KIF26B: variants seen among roughly 807,000 people sequenced by gnomAD.
The protein encoded by KIF26B is kinesin-like protein KIF26B.
In KIF26B, 63 loss-of-function variants were observed where a neutral mutation model predicts 151.2. That is an observed-to-expected ratio of 0.42 (90% CI 0.34 to 0.51). KIF26B has a LOEUF of 0.51. Among genes scored for constraint, KIF26B ranks in the 20% least tolerant of loss-of-function variants. The pLI is 0.07. For synonymous variants in KIF26B, 1,357 were observed against 1,262.1 expected (o/e 1.08, Z -1.59); for missense variants, 2,813 against 2,913.6 (o/e 0.97, Z 0.79).
intron 4 of KIF26B, among the ~76,000 whole-genome samples, chr1:245,434,666 A>G (rs1454366617): frequency 1.3e-5 from 2 of 152,272 alleles, no homozygotes; most frequent in African/African-American, 4.8e-5. Context: ...GAGCAGGCCC[A>G]GGTAAGACTG....
chr1:245,448,306 C>T (rs1038146179), intron 4 of KIF26B, among the ~76,000 whole-genome samples: 11 of 152,326 alleles, frequency 7.2e-5, no homozygotes, highest in Admixed American at 7.2e-4. Flanking sequence ...CACTCAGGTG[C>T]AAGCGATTCT....
chr1:245,698,983 C>G lies in KIF26B; in HGVS notation c.6124C>G (p.Leu2042Val). The G allele has an allele frequency of 6.2e-7, 1 of 1,614,028 alleles. No individual in the cohort carries two copies. Among genetic ancestry groups the G allele is most frequent in the African/African-American group, 1.3e-5 (1 of 75,064 alleles). Reference sequence around the variant, plus strand: ...GAAGTACGAGTGGCTGATGAAGGAGCTGGAGGCGACCAAACAGTATCTGAT... The same window carrying G: ...GAAGTACGAGTGGCTGATGAAGGAGGTGGAGGCGACCAAACAGTATCTGAT... ...RAKYEWLMKE[L>V]EATKQYLMLD... is the part of the protein sequence containing the mutation. Residue 2042 changes from leucine to valine, a missense_variant, in exon 14 of 15, where the codon CTG (leucine) becomes GTG (valine). This residue lies in a region of KIF26B where 2,060 missense variants were observed against 2,088.6 expected (regional missense o/e 0.99). Transcript: ENST00000407071. This position sits in a 1 kb window ranked among gnomAD's most constrained non-coding sequence, Gnocchi z 4.0.
chr1:245,528,814 C>T (rs1661298802), intron 4 of KIF26B, among the ~76,000 whole-genome samples: 1 of 152,158 alleles, frequency 6.6e-6, no homozygotes, highest in Non-Finnish European at 1.5e-5. Context: ...TTCCCGAGGT[C>T]ATCCAACTCT....
In KIF26B at chr1:245,705,357, A is replaced by G. The variant is rs993671473; in HGVS notation, c.*2751A>G. On this transcript the variant is annotated 3_prime_UTR_variant, in exon 15 of 15. Coordinates refer to ENST00000407071, the MANE Select transcript of KIF26B (RefSeq NM_018012.4). ...ACCACATGAAGAAATCAGGCATTTT[A>G]CGTTATGATGTGCTTGTTCCTGTCT... 1.3e-5 allele frequency: 2 copies of G among 152,138 alleles called. No homozygotes were observed. Among genetic ancestry groups the G allele is most frequent in the Non-Finnish European group, 2.9e-5 (2 of 68,036 alleles). The allele number at this position is 152,138 out of a possible 1,614,324, so 9.4% of individuals were successfully genotyped here.
chr1:245,389,947 A>G (rs1307903709), intron 3 of KIF26B, among the ~76,000 whole-genome samples: 1 of 152,194 alleles, frequency 6.6e-6, no homozygotes, highest in African/African-American at 2.4e-5. Context: ...AGTGTGCTCC[A>G]CAGACCATCT....
intron 3 of KIF26B, among the ~76,000 whole-genome samples, chr1:245,401,358 C>T (rs1398871833): frequency 6.6e-6 from 1 of 152,148 alleles, no homozygotes; most frequent in East Asian, 1.9e-4. Context: ...AGCAAAAACA[C>T]TGGGAGAGAT....
At position 245,449,922 on chromosome 1, in the gene KIF26B, T is replaced by C. The variant is rs573508999; in HGVS notation, c.1166+30177T>C. ...AATTATTGCCAATGTGTTTTGCTAA[T>C]GGATTCATTGCAAGTGGACTTACCC... On this transcript the variant is annotated intron_variant, in intron 4 of 14. Transcript: ENST00000407071. Among the ~76,000 whole-genome samples, 6 of 152,374 alleles carry C rather than the reference T, an allele frequency of 3.9e-5. No individual in the cohort carries two copies. The South Asian group carries it at 1.2e-3, about 32-fold the overall frequency.
chr1:245,164,871 G>A (rs113050577), intron 2 of KIF26B, among the ~76,000 whole-genome samples: 26 of 152,236 alleles, frequency 1.7e-4, no homozygotes, highest in African/African-American at 4.8e-4. Context: ...TCAGGAGTTC[G>A]AGACCAGCCT....
intron 2 of KIF26B, among the ~76,000 whole-genome samples, chr1:245,303,007 A>G (rs958520033): frequency 1.1e-4 from 17 of 149,834 alleles, no homozygotes; most frequent in Non-Finnish European, 1.9e-4. Context: ...AAAAAAAAAA[A>G]AAAAAAGAAA....
At position 245,685,491 on chromosome 1, in the gene KIF26B, G is replaced by A. The variant is rs2044498577; in HGVS notation, c.2508G>A (p.Arg836=). Residue 836 remains arginine, a synonymous_variant, in exon 12 of 15, where the codon AGG becomes AGA. Coordinates refer to ENST00000407071, the MANE Select transcript of KIF26B (RefSeq NM_018012.4). ...RPTQLRPFHT[R]ATVDPDFPIA... ...CCCAGCTGAGACCCTTCCACACCAG[G>A]GCCACGGTGGACCCTGACTTCCCCA... The A allele has an allele frequency of 1.2e-6, 2 of 1,613,578 alleles. No homozygotes were observed. The highest frequency in any genetic ancestry group is 1.7e-6 in the Non-Finnish European group (2 of 1,179,782).
Position 245,599,998 on chromosome 1 carries a change from C to T in KIF26B, c.1351-2579C>T, listed in dbSNP as rs749492902. ...CCCACAGTATCCTGCTTGTGATTCA[C>T]GCTATCCAGAGTCCAGGGCAAGGAG... On this transcript the variant is annotated intron_variant, in intron 5 of 14. Coordinates refer to ENST00000407071, the MANE Select transcript of KIF26B (RefSeq NM_018012.4). Among the ~76,000 whole-genome samples the T allele has an allele frequency of 8.4e-4, 128 of 151,752 alleles. 2 individuals are homozygous for T. Among genetic ancestry groups the T allele is most frequent in the Non-Finnish European group, 3.8e-4 (26 of 67,998 alleles).
chr1:245,439,590 T>C, intron 4 of KIF26B, among the ~76,000 whole-genome samples: 1 of 152,096 alleles, frequency 6.6e-6, no homozygotes, highest in Middle Eastern at 3.2e-3. Context: ...AATCTCCAAA[T>C]TGGTACACAA....
chr1:245,696,533 G>T (rs1197370669), intron 12 of KIF26B, among the ~76,000 whole-genome samples: 1 of 152,108 alleles, frequency 6.6e-6, no homozygotes, highest in African/African-American at 2.4e-5. Context: ...TGGGTTTGGG[G>T]TTTATTTGTT....
chr1:245,681,034 G>A (rs758789908), intron 10 of KIF26B, among the ~76,000 whole-genome samples: 1 of 152,062 alleles, frequency 6.6e-6, no homozygotes, highest in Non-Finnish European at 1.5e-5. Flanking sequence ...GTGCCTTATG[G>A]AGAAAATCCA....
rs1217789629 is a variant in KIF26B, at chr1:245,484,342, C to T, written c.1167-56425C>T. Among the ~76,000 whole-genome samples, 4 of 151,820 alleles carry T rather than the reference C, an allele frequency of 2.6e-5. No individual in the cohort carries two copies. The East Asian group carries it at 7.7e-4, about 29-fold the overall frequency. Reference sequence around the variant, plus strand: ...GCAGATGAAGAGCCATTCAATGGAGCCACATAACTGCCTTTCCCATCAAGC... The same window carrying T: ...GCAGATGAAGAGCCATTCAATGGAGTCACATAACTGCCTTTCCCATCAAGC... On this transcript the variant is annotated intron_variant, in intron 4 of 14. Transcript: ENST00000407071.
At chr1:245,504,154 G>A (rs1212243199) in intron 4 of KIF26B, among the ~76,000 whole-genome samples, 1 of 152,162 alleles carries the variant, frequency 6.6e-6, no homozygotes, top group Non-Finnish European at 1.5e-5. Context: ...GAAGAGAGGA[G>A]GCCCTGGGCC....
chr1:245,542,059 T>A (rs538115903), intron 5 of KIF26B, among the ~76,000 whole-genome samples: 1 of 152,304 alleles, frequency 6.6e-6, no homozygotes, highest in Admixed American at 6.5e-5. Context: ...AATTTTAAGA[T>A]TACATGGAAT....
In KIF26B at chr1:245,227,833, T is replaced by G. The variant is rs1166352957; in HGVS notation, c.465+71150T>G. Among the ~76,000 whole-genome samples the G allele has an allele frequency of 1.3e-5, 2 of 152,058 alleles. No individual in the cohort carries two copies. The highest frequency in any genetic ancestry group is 2.9e-5 in the Non-Finnish European group (2 of 68,006). On this transcript the variant is annotated intron_variant, in intron 2 of 14. Coordinates refer to ENST00000407071, the MANE Select transcript of KIF26B (RefSeq NM_018012.4). This position sits in a 1 kb window ranked among gnomAD's most constrained non-coding sequence, Gnocchi z 4.1. ...CTGGCCAACATGGTGGAACCCCATC[T>G]CTACTAAAAATACAAAAAATTAGCC...
intron 2 of KIF26B, among the ~76,000 whole-genome samples, chr1:245,229,598 T>A (rs1248322467): frequency 6.6e-6 from 1 of 152,220 alleles, no homozygotes; most frequent in Non-Finnish European, 1.5e-5. Flanking sequence ...TAATCTGATG[T>A]ATACTCACTG....
Sources: allele counts gnomAD v4.1 joint callset (sites outside exome capture counted in the v4.1 genomes callset), GRCh38; gene constraint gnomAD v4.1.1; regional missense constraint gnomAD v4.1.1; non-coding constraint Gnocchi (gnomAD v3.1); transcripts MANE v1.5; gene names NCBI Gene and HGNC (gene_info 2026-07-23, HGNC 2026-07-21).